The following CADM2 variants were observed in gnomAD, a reference collection of about 807,000 sequenced individuals.
The protein encoded by CADM2 is cell adhesion molecule 2.
A neutral mutation model predicts 49.8 loss-of-function variants in CADM2; 12 were observed. That is an observed-to-expected ratio of 0.24 (90% CI 0.15 to 0.39). The LOEUF (loss-of-function observed/expected upper bound fraction) is 0.39. Ranked by LOEUF, CADM2 falls within the 10% of genes least tolerant of loss-of-function variation. The pLI is 1.00. For missense variants in CADM2, 378 were observed against 492.3 expected, an observed-to-expected ratio of 0.77 and a Z score of 2.20; for synonymous variants, 214 against 175.4, an observed-to-expected ratio of 1.22 and a Z score of -1.74.
chr3:85,995,222 C>G (rs1036969398), intron 8 of CADM2, among the ~76,000 whole-genome samples: 1 of 151,900 alleles, frequency 6.6e-6, no homozygotes, highest in Non-Finnish European at 1.5e-5. Flanking sequence ...TCTATAACAT[C>G]TTAATATTTC....
In CADM2 at chr3:85,175,063, A is replaced by C. The variant is rs574062794; in HGVS notation, c.61+215395A>C. On this transcript the variant is annotated intron_variant, in intron 1 of 9. Coordinates refer to ENST00000383699, the MANE Select transcript of CADM2 (RefSeq NM_001167675.2). ...AGTCATTAGCAAAATGCAAAACAAA[A>C]CCACAATGAGATAATACTTCACACT... Among the ~76,000 whole-genome samples the C allele has an allele frequency of 2.6e-5, 4 of 152,294 alleles. No homozygotes were observed. In the South Asian group the frequency reaches 8.3e-4, roughly 32 times the overall value.
chr3:85,698,662 C>A (rs556375421), intron 1 of CADM2, among the ~76,000 whole-genome samples: 2 of 152,200 alleles, frequency 1.3e-5, no homozygotes, highest in African/African-American at 4.8e-5. Flanking sequence ...GAGAACAGCA[C>A]TAAAAGGATG....
At chr3:85,710,047 C>T (rs1009056231) in intron 1 of CADM2, among the ~76,000 whole-genome samples, 5 of 152,078 alleles carry the variant, frequency 3.3e-5, no homozygotes, top group African/African-American at 1.2e-4. Context: ...GAATCAGGTG[C>T]CCATTCCTCT....
intron 7 of CADM2, among the ~76,000 whole-genome samples, chr3:85,950,324 A>T (rs955749738): frequency 6.6e-6 from 1 of 151,184 alleles, no homozygotes; most frequent in African/African-American, 2.4e-5. Context: ...TCCTTAAGAG[A>T]TTAGCTTAGG....
chr3:85,317,901 G>A (rs1178917770), intron 1 of CADM2, among the ~76,000 whole-genome samples: 2 of 152,188 alleles, frequency 1.3e-5, no homozygotes, highest in Non-Finnish European at 2.9e-5. Flanking sequence ...AAGAAGGTTT[G>A]ACATTAAAAT....
chr3:85,375,024 C>T lies in CADM2; in HGVS notation c.62-351498C>T, dbSNP rs556943311. Reference sequence around the variant, plus strand: ...AAAAGAAAATCACACACACACACTTCAATCATTTATTCAACAAAATTTATT... The same window carrying T: ...AAAAGAAAATCACACACACACACTTTAATCATTTATTCAACAAAATTTATT... On this transcript the variant is annotated intron_variant, in intron 1 of 9. Coordinates refer to ENST00000383699, the MANE Select transcript of CADM2 (RefSeq NM_001167675.2). 4.6e-5 allele frequency among the ~76,000 whole-genome samples: 7 copies of T among 152,270 alleles called. No homozygotes were observed. In the South Asian group the frequency reaches 1.4e-3, roughly 32 times the overall value.
chr3:85,992,891 ATT>A (rs1728957394), intron 8 of CADM2: 1 of 152,308 alleles, frequency 6.6e-6, no homozygotes, highest in African/African-American at 2.4e-5. Flanking sequence ...TTGATTGATT[ATT>A]CTTTTCCTGA....
chr3:85,384,241 T>C (rs2107366610), intron 1 of CADM2, among the ~76,000 whole-genome samples: 1 of 152,342 alleles, frequency 6.6e-6, no homozygotes. Context: ...CCATATATCT[T>C]ATAGAATGCA....
At chr3:85,685,574 A>G (rs1253787243) in intron 1 of CADM2, among the ~76,000 whole-genome samples, 1 of 150,756 alleles carries the variant, frequency 6.6e-6, no homozygotes, top group Non-Finnish European at 1.5e-5. Context: ...AATAATTTAA[A>G]TACACTGTAC....
chr3:85,234,419 C>T (rs1297451698), intron 1 of CADM2, among the ~76,000 whole-genome samples: 1 of 152,074 alleles, frequency 6.6e-6, no homozygotes, highest in Non-Finnish European at 1.5e-5. Context: ...ATCTCAATTT[C>T]CTCAGCTGTA....
intron 1 of CADM2, among the ~76,000 whole-genome samples, chr3:85,447,911 A>G (rs1435765258): frequency 6.6e-6 from 1 of 152,186 alleles, no homozygotes; most frequent in East Asian, 1.9e-4. Flanking sequence ...GTCTTTGGCT[A>G]AGACAAAGCA....
At chr3:85,671,211 A>G (rs1386129556) in intron 1 of CADM2, among the ~76,000 whole-genome samples, 3 of 152,324 alleles carry the variant, frequency 2.0e-5, no homozygotes, top group East Asian at 3.9e-4. Flanking sequence ...TAAATCTTCC[A>G]TCACTTGGAG....
At chr3:85,584,019 T>A (rs1298179599) in intron 1 of CADM2, among the ~76,000 whole-genome samples, 1 of 152,036 alleles carries the variant, frequency 6.6e-6, no homozygotes, top group Non-Finnish European at 1.5e-5. Flanking sequence ...AAAATTACTT[T>A]CTACCCTTTA....
chr3:84,987,909 T>TC (rs754534348), intron 1 of CADM2, among the ~76,000 whole-genome samples: 65 of 152,130 alleles, frequency 4.3e-4, no homozygotes, highest in Non-Finnish European at 8.5e-4. Context: ...AGCCCAGTTC[T>TC]CCCCCTGCAG....
At chr3:86,055,414 T>C (rs1223044376) in intron 8 of CADM2, among the ~76,000 whole-genome samples, 1 of 150,238 alleles carries the variant, frequency 6.7e-6, no homozygotes, top group Non-Finnish European at 1.5e-5. Flanking sequence ...ACTCACATGG[T>C]GAAAAGGGCA....
intron 1 of CADM2, among the ~76,000 whole-genome samples, chr3:85,298,578 G>T (rs1331944475): frequency 6.6e-6 from 1 of 152,040 alleles, no homozygotes; most frequent in Non-Finnish European, 1.5e-5. Context: ...TATTTGAAAG[G>T]AAATTCAAGA....
Position 86,015,051 on chromosome 3 carries a change from A to G in CADM2, c.971-50554A>G, listed in dbSNP as rs962872990. The G allele has an allele frequency of 3.8e-6, 3 of 796,862 alleles. No homozygotes were observed. In the African/African-American group the frequency reaches 5.1e-5, roughly 13 times the overall value. 49.4% of individuals were successfully genotyped at this position (796,862 alleles called of 1,614,324 possible). On this transcript the variant is annotated intron_variant, in intron 8 of 9. Transcript: ENST00000383699. ...ACACAACCTGGATTTAATGGCGGAC[A>G]CACACGTTAAACCCTATACAAGTAA...
chr3:85,189,110 G>A (rs2041141137), intron 1 of CADM2, among the ~76,000 whole-genome samples: 1 of 146,516 alleles, frequency 6.8e-6, no homozygotes, highest in Non-Finnish European at 1.5e-5. Flanking sequence ...ATAGACGAAG[G>A]TTCTGAAGTT....
chr3:85,517,554 T>A (rs2060933458), intron 1 of CADM2, among the ~76,000 whole-genome samples: 1 of 152,160 alleles, frequency 6.6e-6, no homozygotes. Context: ...TAGAATTATA[T>A]CGTCATGATT....
Sources: allele counts gnomAD v4.1 joint callset (sites outside exome capture counted in the v4.1 genomes callset), GRCh38; gene constraint gnomAD v4.1.1; transcripts MANE v1.5; gene names NCBI Gene and HGNC (gene_info 2026-07-23, HGNC 2026-07-21).